SND1: variants seen among roughly 807,000 people sequenced by gnomAD.
SND1 encodes staphylococcal nuclease domain-containing protein 1.
A neutral mutation model predicts 121.7 loss-of-function variants in SND1; 38 were observed. The observed-to-expected ratio is 0.31, with a 90% CI of 0.24 to 0.41. The LOEUF is 0.41. Among genes scored for constraint, SND1 ranks in the 10% least tolerant of loss-of-function variants. SND1 has a pLI of 1.00. For synonymous variants in SND1, 401 were observed against 447.4 expected (o/e 0.90, Z 1.31); for missense variants, 868 against 1,184.6 (o/e 0.73, Z 3.92).
At chr7:127,736,942 C>T (rs192866976) in intron 10 of SND1, among the ~76,000 whole-genome samples, 26 of 152,168 alleles carry the variant, frequency 1.7e-4, no homozygotes, top group African/African-American at 4.6e-4. Flanking sequence ...TTGTTTTGGC[C>T]GATAAGCTGC....
chr7:127,788,643 A>T (rs1001932635), intron 10 of SND1, among the ~76,000 whole-genome samples: 3 of 152,208 alleles, frequency 2.0e-5, no homozygotes, highest in African/African-American at 7.2e-5. Flanking sequence ...CTGAACTTCC[A>T]GTGGGCATGT....
intron 10 of SND1, among the ~76,000 whole-genome samples, chr7:127,735,945 A>G (rs1263449890): frequency 6.6e-6 from 1 of 152,062 alleles, no homozygotes; most frequent in Admixed American, 6.6e-5. Context: ...TGTATCTTTT[A>G]AATTGTCTTG....
intron 16 of SND1, among the ~76,000 whole-genome samples, chr7:128,060,931 C>G (rs533544387): frequency 1.3e-5 from 2 of 152,210 alleles, no homozygotes; most frequent in Admixed American, 6.5e-5. Flanking sequence ...TCAGGACACA[C>G]CTCCCTTGGA....
chr7:127,864,736 G>A (rs1186909395), intron 12 of SND1, among the ~76,000 whole-genome samples: 2 of 152,034 alleles, frequency 1.3e-5, no homozygotes, highest in Non-Finnish European at 2.9e-5. Flanking sequence ...GATTTTGCTG[G>A]TCTACTAGAG....
chr7:128,017,977 T>C (rs528486663), intron 16 of SND1, among the ~76,000 whole-genome samples: 10 of 152,342 alleles, frequency 6.6e-5, no homozygotes, highest in African/African-American at 2.2e-4. Flanking sequence ...CTATCCAGCA[T>C]TGGCATTGCC....
At chr7:127,743,753 G>A (rs1796926789) in intron 10 of SND1, among the ~76,000 whole-genome samples, 1 of 152,172 alleles carries the variant, frequency 6.6e-6, no homozygotes, top group Non-Finnish European at 1.5e-5. Flanking sequence ...GTTATAAGGG[G>A]AATGTTTTTG....
chr7:127,831,311 T>C (rs1166698669), intron 11 of SND1, among the ~76,000 whole-genome samples: 1 of 152,220 alleles, frequency 6.6e-6, no homozygotes, highest in Non-Finnish European at 1.5e-5. Flanking sequence ...AGCATTATTT[T>C]ATATCCTTCT....
rs571379642 is a variant in SND1 at position 127,700,405 on chromosome 7, C to G, written c.429-758C>G. Among the ~76,000 whole-genome samples the G allele has an allele frequency of 5.9e-5, 9 of 152,284 alleles. No individual in the cohort carries two copies. The South Asian group carries it at 1.7e-3, about 28-fold the overall frequency. The stretch of plus-strand genomic sequence containing the variant: ...AGGTCATCCTTGCTTAGGAGTCCCT[C>G]CTGCTGAAGATGAGAAGAGATTCAG... On this transcript the variant is annotated intron_variant, in intron 4 of 23. Transcript: ENST00000354725.
At chr7:127,943,133 A>G (rs758695393) in intron 15 of SND1, among the ~76,000 whole-genome samples, 67 of 152,200 alleles carry the variant, frequency 4.4e-4, no homozygotes, top group Non-Finnish European at 7.8e-4. Flanking sequence ...GAGCTGTGCC[A>G]CTTCACAATC....
At chr7:127,701,062 G>T (rs1796091219) in intron 4 of SND1, 101 bp from the exon 5 acceptor site, 2 of 1,278,382 alleles carry the variant, frequency 1.6e-6, no homozygotes. Context: ...GACCTTTGTT[G>T]TCTTCAAGGG....
intron 10 of SND1, among the ~76,000 whole-genome samples, chr7:127,734,224 G>C (rs1440730730): frequency 6.6e-6 from 1 of 152,090 alleles, no homozygotes; most frequent in Non-Finnish European, 1.5e-5. Flanking sequence ...GTCCCTCTTA[G>C]CTTAGAACAT....
At chr7:127,765,743 C>T (rs1797399020) in intron 10 of SND1, among the ~76,000 whole-genome samples, 1 of 152,160 alleles carries the variant, frequency 6.6e-6, no homozygotes, top group African/African-American at 2.4e-5. Context: ...TAATGGCTCC[C>T]TTAGCTGATG....
intron 16 of SND1, among the ~76,000 whole-genome samples, chr7:128,071,725 G>T (rs73238096): frequency 3.9e-5 from 6 of 152,346 alleles, no homozygotes; most frequent in Non-Finnish European, 7.3e-5. Flanking sequence ...CATGGGGTTT[G>T]GCTAGAGAGG....
At chr7:127,705,044 C>A in intron 8 of SND1, 99 bp downstream of exon 8, 1 of 957,314 alleles carries the variant, frequency 1.0e-6, no homozygotes, top group Non-Finnish European at 1.7e-6. Context: ...TGTCAGTGTT[C>A]ATTTTACTTC....
At position 128,047,759 on chromosome 7, in the gene SND1, G is replaced by A. The variant is rs17151687; in HGVS notation, c.1780-26743G>A. 8.0e-3 allele frequency among the ~76,000 whole-genome samples: 1,217 copies of A among 152,254 alleles called. 7 individuals are homozygous for A. The highest frequency in any genetic ancestry group is 0.017 in the Middle Eastern group (5 of 292). ...CCAGCTAAAATAATTCAGTCCCTGG[G>A]CAGGTTTAAGATAGACTCCTTGTTT... On this transcript the variant is annotated intron_variant, in intron 16 of 23. Coordinates refer to ENST00000354725, the MANE Select transcript of SND1 (RefSeq NM_014390.4).
intron 5 of SND1, 77 bp from the exon 6 acceptor site, chr7:127,702,358 A>C: frequency 7.6e-7 from 1 of 1,315,718 alleles, no homozygotes; most frequent in East Asian, 2.3e-5. Context: ...AACTGTGTTA[A>C]GTGCAGTTTG....
At chr7:127,821,969 A>G (rs1798557158) in intron 11 of SND1, among the ~76,000 whole-genome samples, 1 of 152,116 alleles carries the variant, frequency 6.6e-6, no homozygotes, top group Non-Finnish European at 1.5e-5. Context: ...AGACATTTTT[A>G]TTTATGGGGA....
chr7:127,782,852 C>T (rs1477192649), intron 10 of SND1, among the ~76,000 whole-genome samples: 1 of 152,140 alleles, frequency 6.6e-6, no homozygotes, highest in Non-Finnish European at 1.5e-5. Flanking sequence ...TTTTCAACTG[C>T]TGTATGTGTA....
In SND1 at chr7:127,675,285, A is replaced by G. The variant is rs1262785278; in HGVS notation, c.79-11328A>G. ...GTTTATACATTTACCCCAATAGTAT[A>G]TGTTTGATTCCTTTTTCCCATCAGA... On this transcript the variant is annotated intron_variant, in intron 1 of 23. Coordinates refer to ENST00000354725, the MANE Select transcript of SND1 (RefSeq NM_014390.4). Among the ~76,000 whole-genome samples, 3 of 152,190 alleles carry G rather than the reference A, an allele frequency of 2.0e-5. No individual in the cohort carries two copies. The East Asian group carries it at 5.8e-4, about 29-fold the overall frequency.
Sources: gnomAD v4.1 joint callset for allele counts (sites outside exome capture counted in the v4.1 genomes callset) on GRCh38, gnomAD v4.1.1 for gene constraint, MANE v1.5 for transcripts, NCBI Gene and HGNC (gene_info 2026-07-23, HGNC 2026-07-21) for gene names.